The following CLSTN2 variants were observed in gnomAD, a reference collection of about 807,000 sequenced individuals.
CLSTN2 encodes the protein calsyntenin 2.
A neutral mutation model predicts 101.2 loss-of-function variants in CLSTN2; 48 were observed. The observed-to-expected ratio is 0.47, with a 90% CI of 0.38 to 0.60. The LOEUF is 0.60. CLSTN2 is among the 20% of genes least tolerant of loss of function. The probability of loss-of-function intolerance (pLI) is 0.00; values close to 1 mark genes in which losing one functional copy is unlikely to be tolerated. For synonymous variants in CLSTN2, 481 were observed against 463.6 expected (o/e 1.04, Z -0.48); for missense variants, 1,160 against 1,238.2 (o/e 0.94, Z 0.95).
chr3:140,510,946 A>G (rs1934801737), intron 8 of CLSTN2, among the ~76,000 whole-genome samples: 1 of 152,154 alleles, frequency 6.6e-6, no homozygotes, highest in Non-Finnish European at 1.5e-5. Flanking sequence ...TGCACAGATC[A>G]TCCCATCACC....
intron 2 of CLSTN2, among the ~76,000 whole-genome samples, chr3:140,237,459 C>G (rs1297974249): frequency 1.3e-5 from 2 of 152,112 alleles, no homozygotes; most frequent in Non-Finnish European, 1.5e-5. Context: ...TGAGGAAAAC[C>G]TTCTGGAGAT....
At chr3:140,189,736 G>T (rs1357487569) in intron 2 of CLSTN2, among the ~76,000 whole-genome samples, 2 of 152,044 alleles carry the variant, frequency 1.3e-5, no homozygotes, top group Non-Finnish European at 2.9e-5. Flanking sequence ...TGTACAGTTA[G>T]GTTGAGACTC....
At chr3:140,161,756 A>G (rs1040406414) in intron 1 of CLSTN2, among the ~76,000 whole-genome samples, 1 of 152,146 alleles carries the variant, frequency 6.6e-6, no homozygotes, top group Admixed American at 6.6e-5. Context: ...CTACCTGAGC[A>G]GCATGTGCTG....
At chr3:140,185,834 G>T (rs1019593523) in intron 2 of CLSTN2, among the ~76,000 whole-genome samples, 5 of 152,176 alleles carry the variant, frequency 3.3e-5, no homozygotes, top group African/African-American at 1.2e-4. Flanking sequence ...AGATGGGAGG[G>T]AGTGTGTGGT....
intron 8 of CLSTN2, among the ~76,000 whole-genome samples, chr3:140,505,226 G>A (rs1934663708): frequency 6.6e-6 from 1 of 152,152 alleles, no homozygotes; most frequent in Non-Finnish European, 1.5e-5. Flanking sequence ...GTCTTTTCTA[G>A]AGCAATGATG....
rs2086726054 is a variant in CLSTN2, at chr3:140,269,833, G to A, written c.232+93760G>A. Among the ~76,000 whole-genome samples, 3 of 152,300 alleles carry A rather than the reference G, an allele frequency of 2.0e-5. No homozygotes were observed. In the South Asian group the frequency reaches 6.2e-4, roughly 32 times the overall value. On this transcript the variant is annotated intron_variant, in intron 2 of 16. Transcript: ENST00000458420. Reference sequence around the variant, plus strand: ...CAAATCCCAGCTCCATTATTCACTAGCTGTCTGATCCCACCTAAGTTGTAT... The same window carrying A: ...CAAATCCCAGCTCCATTATTCACTAACTGTCTGATCCCACCTAAGTTGTAT...
At chr3:140,443,256 C>T (rs1302705023) in intron 5 of CLSTN2, among the ~76,000 whole-genome samples, 3 of 152,206 alleles carry the variant, frequency 2.0e-5, no homozygotes, top group African/African-American at 2.4e-5. Context: ...GTTTGCCACA[C>T]CTACCTCTTT....
intron 2 of CLSTN2, among the ~76,000 whole-genome samples, chr3:140,179,372 T>A (rs1196342848): frequency 2.0e-5 from 3 of 150,996 alleles, no homozygotes; most frequent in Non-Finnish European, 4.4e-5. Context: ...GTCCCAGCAC[T>A]TTGGGAGGCT....
At chr3:140,519,162 G>A (rs897532053) in intron 8 of CLSTN2, among the ~76,000 whole-genome samples, 9 of 152,188 alleles carry the variant, frequency 5.9e-5, no homozygotes, top group Non-Finnish European at 8.8e-5. Flanking sequence ...TATATCTTGT[G>A]TTCTAATTTA....
At chr3:140,022,547 C>A (rs971055903) in intron 1 of CLSTN2, among the ~76,000 whole-genome samples, 1 of 152,134 alleles carries the variant, frequency 6.6e-6, no homozygotes, top group Non-Finnish European at 1.5e-5. Context: ...GGAGACTGGG[C>A]GCTGCAGGAG....
At position 140,117,675 on chromosome 3, in the gene CLSTN2, C is replaced by T. The variant is rs200233000; in HGVS notation, c.110-58276C>T. ...TTGCAATAACCACATAAGTCCAGTA[C>T]TTTTAGCCCCTCCAGGAACTTTCAT... On this transcript the variant is annotated intron_variant, in intron 1 of 16. Transcript: ENST00000458420. 2.0e-5 allele frequency among the ~76,000 whole-genome samples: 3 copies of T among 152,284 alleles called. No homozygotes were observed. The East Asian group carries it at 5.8e-4, about 29-fold the overall frequency.
intron 1 of CLSTN2, among the ~76,000 whole-genome samples, chr3:139,985,232 CT>C (rs1936001650): frequency 6.6e-6 from 1 of 152,180 alleles, no homozygotes; most frequent in Non-Finnish European, 1.5e-5. Flanking sequence ...ACATTGTCCT[CT>C]ATCTGAAATC....
intron 1 of CLSTN2, among the ~76,000 whole-genome samples, chr3:140,145,411 G>A (rs1220449606): frequency 3.9e-5 from 6 of 152,360 alleles, no homozygotes; most frequent in South Asian, 2.1e-4. Context: ...CACTCCGCCC[G>A]GCACACATGG....
intron 2 of CLSTN2, among the ~76,000 whole-genome samples, chr3:140,234,385 T>C (rs2086397610): frequency 6.6e-6 from 1 of 152,044 alleles, no homozygotes; most frequent in Non-Finnish European, 1.5e-5. Flanking sequence ...CTAAATTTGG[T>C]CCACTGCTTA....
At chr3:140,518,823 G>T (rs1934971800) in intron 8 of CLSTN2, among the ~76,000 whole-genome samples, 1 of 152,128 alleles carries the variant, frequency 6.6e-6, no homozygotes, top group African/African-American at 2.4e-5. Flanking sequence ...AGTTAGTCCT[G>T]CCTCCTATCT....
At chr3:140,062,431 G>A (rs1225375929) in intron 1 of CLSTN2, among the ~76,000 whole-genome samples, 1 of 152,184 alleles carries the variant, frequency 6.6e-6, no homozygotes, top group East Asian at 1.9e-4. Context: ...TGTGATGTGG[G>A]TTTTAAGTGC....
chr3:140,208,128 T>C (rs191606404), intron 2 of CLSTN2, among the ~76,000 whole-genome samples: 1 of 152,178 alleles, frequency 6.6e-6, no homozygotes, highest in Non-Finnish European at 1.5e-5. Flanking sequence ...CCATTCATGT[T>C]TTATCATTTT....
chr3:140,423,252 T>C (rs1244721063), intron 5 of CLSTN2, among the ~76,000 whole-genome samples: 2 of 152,224 alleles, frequency 1.3e-5, no homozygotes, highest in African/African-American at 2.4e-5. Flanking sequence ...GTGAAGAATG[T>C]ATTGAGCACC....
intron 1 of CLSTN2, among the ~76,000 whole-genome samples, chr3:140,150,191 C>G (rs1394611632): frequency 6.6e-6 from 1 of 152,170 alleles, no homozygotes; most frequent in Non-Finnish European, 1.5e-5. Context: ...CTATTGTGTG[C>G]CCAGGCATTG....
Sources: allele counts gnomAD v4.1 joint callset (sites outside exome capture counted in the v4.1 genomes callset), GRCh38; gene constraint gnomAD v4.1.1; transcripts MANE v1.5; gene names NCBI Gene and HGNC (gene_info 2026-07-23, HGNC 2026-07-21).